The following VWC2L variants were observed in gnomAD, a reference collection of about 807,000 sequenced individuals.
The protein encoded by VWC2L is von Willebrand factor C domain containing 2 like.
A neutral mutation model predicts 21.6 loss-of-function variants in VWC2L; 10 were observed. That is an observed-to-expected ratio of 0.46 (90% CI 0.29 to 0.78). The LOEUF (loss-of-function observed/expected upper bound fraction) is 0.78. VWC2L is among the 30% of genes least tolerant of loss of function. The pLI, the probability that VWC2L is intolerant of heterozygous loss-of-function variation, is 0.10. For missense variants in VWC2L, 209 were observed against 277.1 expected, an observed-to-expected ratio of 0.75 and a Z score of 1.74; for synonymous variants, 96 against 94.3, an observed-to-expected ratio of 1.02 and a Z score of -0.10.
chr2:214,524,431 T>C (rs996541096), intron 3 of VWC2L, among the ~76,000 whole-genome samples: 4 of 152,222 alleles, frequency 2.6e-5, no homozygotes, highest in African/African-American at 9.6e-5. Flanking sequence ...TCTGAGGATT[T>C]TTCTCCCTTA....
chr2:214,470,368 A>G (rs1703287775), intron 3 of VWC2L, among the ~76,000 whole-genome samples: 1 of 152,180 alleles, frequency 6.6e-6, no homozygotes, highest in Non-Finnish European at 1.5e-5. Flanking sequence ...ATTCTGTGTG[A>G]TATCCCATAG....
At chr2:214,518,165 C>CAA (rs34081032) in intron 3 of VWC2L, among the ~76,000 whole-genome samples, 10 of 144,428 alleles carry the variant, frequency 6.9e-5, no homozygotes, top group African/African-American at 2.6e-4. Flanking sequence ...GACTCTGTCT[C>CAA]AAAAAAAAAA....
chr2:214,485,786 A>G (rs1688665198), intron 3 of VWC2L, among the ~76,000 whole-genome samples: 1 of 152,140 alleles, frequency 6.6e-6, no homozygotes, highest in African/African-American at 2.4e-5. Context: ...GACAATAACC[A>G]CATCGTCTTC....
chr2:214,503,791 G>A (rs1688928992), intron 3 of VWC2L, among the ~76,000 whole-genome samples: 11 of 151,448 alleles, frequency 7.3e-5, no homozygotes, highest in Admixed American at 7.2e-4. Context: ...TTGAGAGATG[G>A]GACAAGTAAG....
intron 3 of VWC2L, among the ~76,000 whole-genome samples, chr2:214,494,878 A>T (rs1354142632): frequency 6.6e-6 from 1 of 152,002 alleles, no homozygotes; most frequent in East Asian, 1.9e-4. Flanking sequence ...CTTTCTGGAA[A>T]AGTGACAAAT....
At chr2:214,430,507 A>G (rs1483018960) in intron 2 of VWC2L, among the ~76,000 whole-genome samples, 2 of 152,218 alleles carry the variant, frequency 1.3e-5, no homozygotes, top group Non-Finnish European at 2.9e-5. Context: ...ACTACTTTGT[A>G]TACAATGTAT....
chr2:214,527,021 G>A (rs962126431), intron 3 of VWC2L, among the ~76,000 whole-genome samples: 28 of 152,230 alleles, frequency 1.8e-4, no homozygotes, highest in South Asian at 8.3e-4. Flanking sequence ...AGGTGGTTCC[G>A]TGGTAGAAAA....
intron 3 of VWC2L, among the ~76,000 whole-genome samples, chr2:214,475,715 G>A (rs1174900063): frequency 6.6e-6 from 1 of 151,244 alleles, no homozygotes; most frequent in Non-Finnish European, 1.5e-5. Flanking sequence ...TGATTTTTAA[G>A]TGAAATCTCC....
intron 3 of VWC2L, among the ~76,000 whole-genome samples, chr2:214,458,018 T>A (rs907934218): frequency 1.6e-4 from 25 of 152,224 alleles, no homozygotes; most frequent in African/African-American, 5.5e-4. Flanking sequence ...TTCCGTTTTT[T>A]TGAATAGTTT....
chr2:214,450,905 C>T (rs144553081), intron 3 of VWC2L, among the ~76,000 whole-genome samples: 5 of 152,014 alleles, frequency 3.3e-5, no homozygotes, highest in African/African-American at 1.2e-4. Flanking sequence ...ACATGTTTAA[C>T]CTTTACAACA....
At chr2:214,427,609 T>C (rs1371232343) in intron 2 of VWC2L, among the ~76,000 whole-genome samples, 2 of 152,170 alleles carry the variant, frequency 1.3e-5, no homozygotes, top group Non-Finnish European at 2.9e-5. Flanking sequence ...CTTTCAAAAC[T>C]CTGAAAGATG....
chr2:214,529,747 G>T (rs1285187128), intron 3 of VWC2L, among the ~76,000 whole-genome samples: 2 of 152,130 alleles, frequency 1.3e-5, no homozygotes, highest in African/African-American at 2.4e-5. Context: ...CTACACAGGG[G>T]TATCACTATA....
intron 3 of VWC2L, among the ~76,000 whole-genome samples, chr2:214,558,690 C>G (rs1689914340): frequency 6.6e-6 from 1 of 152,164 alleles, no homozygotes; most frequent in Non-Finnish European, 1.5e-5. Context: ...AGCAACACAG[C>G]CCCTGCCTCT....
At chr2:214,523,195 T>C (rs1689271614) in intron 3 of VWC2L, among the ~76,000 whole-genome samples, 1 of 152,240 alleles carries the variant, frequency 6.6e-6, no homozygotes, top group Non-Finnish European at 1.5e-5. Flanking sequence ...CTCTGCTAAT[T>C]GTTGACCTCT....
At chr2:214,411,987 G>A (rs1355766439) in intron 1 of VWC2L, among the ~76,000 whole-genome samples, 13 of 151,302 alleles carry the variant, frequency 8.6e-5, no homozygotes, top group Admixed American at 7.3e-4. Context: ...CTCTTAAATA[G>A]TATCTTAAAT....
At chr2:214,496,819 A>G (rs1688819815) in intron 3 of VWC2L, among the ~76,000 whole-genome samples, 1 of 152,192 alleles carries the variant, frequency 6.6e-6, no homozygotes, top group South Asian at 2.1e-4. Context: ...TTGGTTCTCA[A>G]TAAAAACTTG....
intron 3 of VWC2L, among the ~76,000 whole-genome samples, chr2:214,437,500 C>G (rs1702694678): frequency 6.6e-6 from 1 of 152,104 alleles, no homozygotes; most frequent in Non-Finnish European, 1.5e-5. Flanking sequence ...CGCACTTTGC[C>G]TTATGACCAT....
At chr2:214,512,224 C>G (rs2105906270) in intron 3 of VWC2L, among the ~76,000 whole-genome samples, 1 of 152,316 alleles carries the variant, frequency 6.6e-6, no homozygotes, top group African/African-American at 2.4e-5. Context: ...ACCAGCATGT[C>G]TTTCATTTGC....
At chr2:214,481,810 G>A (rs555669490) in intron 3 of VWC2L, among the ~76,000 whole-genome samples, 2 of 152,258 alleles carry the variant, frequency 1.3e-5, no homozygotes, top group African/African-American at 4.8e-5. Context: ...CTCTTTTGAA[G>A]ACATCACAAA....
Sources: allele counts gnomAD v4.1 joint callset (sites outside exome capture counted in the v4.1 genomes callset), GRCh38; gene constraint gnomAD v4.1.1; transcripts MANE v1.5; gene names NCBI Gene and HGNC (gene_info 2026-07-23, HGNC 2026-07-21).